UNC80: variants seen among roughly 807,000 people sequenced by gnomAD.
UNC80 encodes the protein unc-80 subunit of NALCN channel complex.
A neutral mutation model predicts 384.6 loss-of-function variants in UNC80; 164 were observed. The ratio of observed to expected loss-of-function variants is 0.43; its 90% CI spans 0.38 to 0.49. UNC80 has a LOEUF of 0.49. Ranked by LOEUF, UNC80 falls within the 20% of genes least tolerant of loss-of-function variation. The probability of loss-of-function intolerance (pLI) is 0.00; values close to 1 mark genes in which losing one functional copy is unlikely to be tolerated. For missense variants in UNC80, 3,330 were observed against 4,143.0 expected, an observed-to-expected ratio of 0.80 and a Z score of 5.39; for synonymous variants, 1,486 against 1,527.8, an observed-to-expected ratio of 0.97 and a Z score of 0.64.
Position 209,822,502 on chromosome 2 carries a change from CA to C in UNC80, c.2331+1826del, listed in dbSNP as rs2080209265. ...TTTTTACATATCAACTCTGTCTGGACAAAGAGATTAGAAGTGGTGTTTTGCC... is the reference window on the plus strand; with the variant it reads ...TTTTTACATATCAACTCTGTCTGGACAAGAGATTAGAAGTGGTGTTTTGCC... On this transcript the variant is annotated intron_variant, in intron 13 of 64. Coordinates refer to ENST00000673920, the MANE Select transcript of UNC80 (RefSeq NM_001371986.1). 2.6e-5 allele frequency among the ~76,000 whole-genome samples: 4 copies of C among 151,932 alleles called. No individual in the cohort carries two copies. In the South Asian group the frequency reaches 8.3e-4, roughly 31 times the overall value.
chr2:209,889,957 T>A (rs1338063374), intron 26 of UNC80, among the ~76,000 whole-genome samples: 1 of 152,164 alleles, frequency 6.6e-6, no homozygotes, highest in Non-Finnish European at 1.5e-5. Flanking sequence ...GTGATCCACC[T>A]GCCTCGGCCT....
chr2:209,812,112 C>G (rs1178636777), intron 7 of UNC80, among the ~76,000 whole-genome samples: 3 of 152,096 alleles, frequency 2.0e-5, no homozygotes, highest in African/African-American at 7.2e-5. Flanking sequence ...TGCAGTGGCG[C>G]TATCTCGGCT....
chr2:209,924,129 C>T (rs1411114703), intron 35 of UNC80, among the ~76,000 whole-genome samples: 1 of 151,972 alleles, frequency 6.6e-6, no homozygotes, highest in Admixed American at 6.6e-5. Flanking sequence ...TTTATGTTGA[C>T]TGCTTTTATT....
intron 13 of UNC80, among the ~76,000 whole-genome samples, chr2:209,823,653 A>G (rs1289401362): frequency 6.6e-6 from 1 of 151,838 alleles, no homozygotes; most frequent in Non-Finnish European, 1.5e-5. Context: ...AATTAATTTT[A>G]TCATTATTTT....
rs747434857 is a variant in UNC80 at position 209,825,896 on chromosome 2, G to A, written c.2332-11G>A. 5.9e-6 allele frequency: 9 copies of A among 1,519,366 alleles called. No homozygotes were observed. Among genetic ancestry groups the A allele is most frequent in the South Asian group, 2.6e-5 (2 of 77,534 alleles). The allele number at this position is 1,519,366 out of a possible 1,614,324, so 94.1% of individuals were successfully genotyped here. On this transcript the variant is annotated splice_polypyrimidine_tract_variant and intron_variant, in intron 13 of 64. Transcript: ENST00000673920. ...ACAGACTTTTCTTTCTTTCTCATTC[G>A]TGGGTACCAGGATGAAAGTACACCT...
rs1261016414 is a variant in UNC80, at chr2:209,771,904, C to T, written c.-169C>T. The T allele has an allele frequency of 4.2e-5, 26 of 613,924 alleles. No homozygotes were observed. The Admixed American group carries it at 5.3e-4, about 13-fold the overall frequency. The allele number at this position is 613,924 out of a possible 1,614,324, so 38.0% of individuals were successfully genotyped here. On this transcript the variant is annotated 5_prime_UTR_variant, in exon 1 of 65. Coordinates refer to ENST00000673920, the MANE Select transcript of UNC80 (RefSeq NM_001371986.1). ...TCCTCCCGCAGCCATGTTCCACGCG[C>T]GGGGAGGGGTGGGGGGAGGGGAGAG...
At chr2:209,925,808 G>T (rs1202218806) in intron 35 of UNC80, among the ~76,000 whole-genome samples, 1 of 152,152 alleles carries the variant, frequency 6.6e-6, no homozygotes, top group Non-Finnish European at 1.5e-5. Flanking sequence ...CAGAAGATCA[G>T]CTGGCTTCAC....
At chr2:209,921,751 A>G in intron 34 of UNC80, 65 bp downstream of exon 34, 1 of 1,450,446 alleles carries the variant, frequency 6.9e-7, no homozygotes, top group African/African-American at 1.4e-5. Flanking sequence ...CTCTGAAATT[A>G]ACATTGACAA....
chr2:209,984,151 A>G (rs1219428205), intron 60 of UNC80, among the ~76,000 whole-genome samples: 1 of 152,198 alleles, frequency 6.6e-6, no homozygotes, highest in Admixed American at 6.5e-5. Context: ...ATACATATCA[A>G]TCAATCGATA....
At position 209,866,523 on chromosome 2, in the gene UNC80, CACACACACACAG is replaced by C. The variant is rs1310585009; in HGVS notation, c.3628-6233_3628-6222del. On this transcript the variant is annotated intron_variant, in intron 22 of 64. Coordinates refer to ENST00000673920, the MANE Select transcript of UNC80 (RefSeq NM_001371986.1). ...ACACACACACACACACACACACACACACACACACACAGAGAGAGAGAGAGAGAGAGAGAGAGA... is the reference window on the plus strand; with the variant it reads ...ACACACACACACACACACACACACACAGAGAGAGAGAGAGAGAGAGAGAGA... Among the ~76,000 whole-genome samples the C allele has an allele frequency of 1.4e-3, 186 of 137,140 alleles. 2 individuals carry two copies. The East Asian group carries it at 0.029, about 21-fold the overall frequency. The allele number at this position is 137,140 out of a possible 152,430, so 90.0% of individuals were successfully genotyped here.
chr2:209,841,602 G>A lies in UNC80; in HGVS notation c.3358-748G>A, dbSNP rs544513159. 7.2e-4 allele frequency among the ~76,000 whole-genome samples: 110 copies of A among 152,050 alleles called. No individual in the cohort carries two copies. The Middle Eastern group carries it at 0.014, about 19-fold the overall frequency. On this transcript the variant is annotated intron_variant, in intron 20 of 64. Coordinates refer to ENST00000673920, the MANE Select transcript of UNC80 (RefSeq NM_001371986.1). ...CTTGATCTCGTGATCCACCTGCCTC[G>A]GCCTCCCAAAGTGCTGGGATTACAG...
chr2:209,959,919 A>G (rs1575148415), intron 51 of UNC80, among the ~76,000 whole-genome samples: 1 of 152,332 alleles, frequency 6.6e-6, no homozygotes, highest in Middle Eastern at 3.4e-3. Context: ...CAAGGGGAAA[A>G]TGTTCTTAAG....
intron 61 of UNC80, among the ~76,000 whole-genome samples, chr2:209,990,876 G>T (rs2125031343): frequency 6.6e-6 from 1 of 152,258 alleles, no homozygotes; most frequent in Non-Finnish European, 1.5e-5. Context: ...AACCCCAAAT[G>T]GTGTAATTAC....
At position 209,806,449 on chromosome 2, in the gene UNC80, C is replaced by T. The variant is rs1327339189; in HGVS notation, c.939-7131C>T. Among the ~76,000 whole-genome samples the T allele has an allele frequency of 6.6e-5, 10 of 152,302 alleles. No homozygotes were observed. The Middle Eastern group carries it at 0.017, about 259-fold the overall frequency. ...ATTCCCTGACATATATGTGCGTAGT[C>T]GCCCACAGCAACGTACACCCACATG... is the stretch of plus-strand genomic sequence containing the variant. On this transcript the variant is annotated intron_variant, in intron 7 of 64. Transcript: ENST00000673920.
chr2:209,964,882 T>C (rs571591345), intron 51 of UNC80, among the ~76,000 whole-genome samples: 1 of 151,778 alleles, frequency 6.6e-6, no homozygotes, highest in African/African-American at 2.4e-5. Flanking sequence ...ATGGGCCTTA[T>C]TTTTTCCTAA....
chr2:209,881,964 CTTTT>C (rs34822717), intron 25 of UNC80, among the ~76,000 whole-genome samples: 2 of 131,182 alleles, frequency 1.5e-5, no homozygotes, highest in Non-Finnish European at 1.6e-5. Context: ...ACCTCTCCTT[CTTTT>C]TTTTTTTTTT....
Position 209,957,786 on chromosome 2 carries a change from C to T in UNC80, c.7550+50C>T, listed in dbSNP as rs761043003. 2.7e-5 allele frequency: 40 copies of T among 1,507,958 alleles called. 1 individual carries two copies. In the South Asian group the frequency reaches 3.6e-4, roughly 14 times the overall value. 93.4% of individuals were successfully genotyped at this position (1,507,958 alleles called of 1,614,324 possible). A position where few individuals can be genotyped will look rare whatever the true frequency, so the allele number is the denominator to read the frequency against. On this transcript the variant is annotated intron_variant, in intron 49 of 64. Transcript: ENST00000673920. ...TATGGTCTCTCAATTTCATACAACC[C>T]GAATGTCAGCTGTTGAGAATGAAAG...
At chr2:209,791,960 G>A (rs1225569442) in intron 6 of UNC80, among the ~76,000 whole-genome samples, 2 of 150,936 alleles carry the variant, frequency 1.3e-5, no homozygotes, top group Admixed American at 1.3e-4. Flanking sequence ...AATACAGCTA[G>A]TCTGAATTGA....
Position 209,904,888 on chromosome 2 carries a change from T to C in UNC80, c.4705T>C (p.Tyr1569His). 1 of 1,551,810 alleles carries C rather than the reference T, an allele frequency of 6.4e-7. No homozygotes were observed. The highest frequency in any genetic ancestry group is 8.7e-7 in the Non-Finnish European group (1 of 1,147,010). ...ARLVRAIKLLYGDSVDSLRES... is the reference protein window; with the variant it reads ...ARLVRAIKLLHGDSVDSLRES... ...ACTGGTCAGAGCCATCAAGCTACTCTATGGAGACAGTGTGGACTCCCTGAG... is the reference window on the plus strand; with the variant it reads ...ACTGGTCAGAGCCATCAAGCTACTCCATGGAGACAGTGTGGACTCCCTGAG... The change falls in exon 29 of 65, where the codon TAT becomes CAT. Residue 1569 changes from tyrosine to histidine, a missense_variant. By Grantham distance (83) the Tyr-to-His change is moderately conservative (BLOSUM62 2). Around this residue, in one of 8 missense-constraint regions of UNC80, gnomAD observed 801 missense variants for 950.8 expected, o/e 0.84. Coordinates refer to ENST00000673920, the MANE Select transcript of UNC80 (RefSeq NM_001371986.1).
Sources: allele counts gnomAD v4.1 joint callset (sites outside exome capture counted in the v4.1 genomes callset), GRCh38; gene constraint gnomAD v4.1.1; regional missense constraint gnomAD v4.1.1; transcripts MANE v1.5; gene names NCBI Gene and HGNC (gene_info 2026-07-23, HGNC 2026-07-21).